The following ARNT2 variants were observed in gnomAD, a reference collection of about 807,000 sequenced individuals.
ARNT2 encodes aryl hydrocarbon receptor nuclear translocator 2, also known as ARNT protein 2.
In ARNT2, 36 loss-of-function variants were observed where a neutral mutation model predicts 91.7. The ratio of observed to expected loss-of-function variants is 0.39; its 90% CI spans 0.30 to 0.52. The LOEUF (loss-of-function observed/expected upper bound fraction) is 0.52, where lower values mean the gene tolerates loss of function less well. Ranked by LOEUF, ARNT2 falls within the 20% of genes least tolerant of loss-of-function variation. The pLI, the probability that ARNT2 is intolerant of heterozygous loss-of-function variation, is 0.72. For synonymous variants in ARNT2, 365 were observed against 347.1 expected (o/e 1.05, Z -0.57); for missense variants, 775 against 939.3 (o/e 0.83, Z 2.29).
chr15:80,476,487 C>G (rs2141398884), intron 5 of ARNT2, among the ~76,000 whole-genome samples: 1 of 152,150 alleles, frequency 6.6e-6, no homozygotes, highest in East Asian at 1.9e-4. Context: ...AAGCATTATA[C>G]CAAAATATTT....
intron 13 of ARNT2, 109 bp downstream of exon 13, chr15:80,574,329 C>T (rs965390321): frequency 5.5e-5 from 58 of 1,048,248 alleles, no homozygotes; most frequent in Non-Finnish European, 7.6e-5. Context: ...ATTGCCCCAT[C>T]CCCCCACTAC....
rs752187496 is a variant in ARNT2, at chr15:80,555,046, G to A, written c.1090-19G>A. The A allele has an allele frequency of 6.2e-7, 1 of 1,609,298 alleles. No individual in the cohort carries two copies. The highest frequency in any genetic ancestry group is 2.2e-5 in the East Asian group (1 of 44,844). ...TACAAATGGATCTGGGATTATTAAA[G>A]CTTGTCTCTTTTATTTAGGATCTTC... is the stretch of plus-strand genomic sequence containing the variant. On this transcript the variant is annotated intron_variant, in intron 10 of 18. Transcript: ENST00000303329.
rs988869574 is a variant in ARNT2, at chr15:80,404,635, G to C, written c.31+89G>C. ...GACCAGGCGCGCCGGGCGCCCCCGG[G>C]GGCGCGGAGCCGCAGCTCGGCGCGG... On this transcript the variant is annotated intron_variant, in intron 1 of 18. Coordinates refer to ENST00000303329, the MANE Select transcript of ARNT2 (RefSeq NM_014862.4). This position sits in a 1 kb window ranked among gnomAD's most constrained non-coding sequence, Gnocchi z 5.5. 40 of 913,220 alleles carry C rather than the reference G, an allele frequency of 4.4e-5. No individual in the cohort carries two copies. Among genetic ancestry groups the C allele is most frequent in the Non-Finnish European group, 4.9e-5 (37 of 759,116 alleles). The allele number at this position is 913,220 out of a possible 1,614,324, so 56.6% of individuals were successfully genotyped here. A position where few individuals can be genotyped will look rare whatever the true frequency, so the allele number is the denominator to read the frequency against.
intron 8 of ARNT2, among the ~76,000 whole-genome samples, chr15:80,525,862 T>C (rs1018110318): frequency 6.6e-6 from 1 of 152,114 alleles, no homozygotes; most frequent in African/African-American, 2.4e-5. Flanking sequence ...TGCTCATGAG[T>C]TCAAGTTCCC....
intron 17 of ARNT2, among the ~76,000 whole-genome samples, chr15:80,583,972 A>AG (rs1227760433): frequency 6.6e-6 from 1 of 152,248 alleles, no homozygotes; most frequent in Non-Finnish European, 1.5e-5. Flanking sequence ...TGAAGGACTG[A>AG]GAAGTTTCTT....
At chr15:80,477,430 C>T (rs10162856) in intron 5 of ARNT2, among the ~76,000 whole-genome samples, 1 of 152,194 alleles carries the variant, frequency 6.6e-6, no homozygotes, top group Admixed American at 6.5e-5. Flanking sequence ...GGCCCCATGT[C>T]CTAATATCAT....
At chr15:80,421,238 C>T (rs1332358163) in intron 1 of ARNT2, among the ~76,000 whole-genome samples, 1 of 152,048 alleles carries the variant, frequency 6.6e-6, no homozygotes, top group Non-Finnish European at 1.5e-5. Context: ...GTATAATGGA[C>T]ATTGGAGACT....
chr15:80,578,988 C>T lies in ARNT2; in HGVS notation c.1614-1423C>T, dbSNP rs549693552. On this transcript the variant is annotated intron_variant, in intron 15 of 18. Coordinates refer to ENST00000303329, the MANE Select transcript of ARNT2 (RefSeq NM_014862.4). ...GCTGGCACCTGAAGTGCATCCTCAC[C>T]CACAGTCCTCCCTCTCTGGTCCCGC... 3.3e-5 allele frequency among the ~76,000 whole-genome samples: 5 copies of T among 152,308 alleles called. No homozygotes were observed. The East Asian group carries it at 5.8e-4, about 18-fold the overall frequency.
intron 3 of ARNT2, among the ~76,000 whole-genome samples, chr15:80,463,870 A>T (rs557217116): frequency 3.9e-5 from 6 of 152,264 alleles, no homozygotes; most frequent in African/African-American, 1.4e-4. Context: ...GTGCCCAGCC[A>T]GTGTGATTTC....
chr15:80,435,883 A>G (rs929842628), intron 1 of ARNT2, among the ~76,000 whole-genome samples: 1 of 29,490 alleles, frequency 3.4e-5, no homozygotes, highest in Admixed American at 4.0e-4. Flanking sequence ...GATATGGGCA[A>G]AAAAAAGGAA....
intron 8 of ARNT2, among the ~76,000 whole-genome samples, chr15:80,517,988 G>C (rs1897467907): frequency 6.6e-6 from 1 of 152,138 alleles, no homozygotes; most frequent in Non-Finnish European, 1.5e-5. Context: ...TTTCACACCT[G>C]AGTCTGGTTC....
intron 5 of ARNT2, among the ~76,000 whole-genome samples, chr15:80,476,888 A>G (rs1896811866): frequency 6.6e-6 from 1 of 152,176 alleles, no homozygotes; most frequent in African/African-American, 2.4e-5. Flanking sequence ...GTTCAATTGT[A>G]ATTCCCAATG....
At chr15:80,451,123 T>C in intron 2 of ARNT2, 129 bp downstream of exon 2, 1 of 909,236 alleles carries the variant, frequency 1.1e-6, no homozygotes, top group South Asian at 1.7e-5. Flanking sequence ...CTGTTTAACT[T>C]TTACAAGATT....
At chr15:80,579,494 C>G (rs1567007241) in intron 15 of ARNT2, among the ~76,000 whole-genome samples, 1 of 152,198 alleles carries the variant, frequency 6.6e-6, no homozygotes. Context: ...CTGCTGATCT[C>G]TGGCTTGCCT....
In ARNT2 at chr15:80,470,355, C is replaced by T; in HGVS notation, c.332C>T (p.Ser111Leu). Residue 111 changes from serine (S) to leucine (L), a missense_variant, in exon 4 of 19, where the codon TCG becomes TTG. Transcript: ENST00000303329. ...DKLTILRMAV[S>L]HMKSMRGTGN... Reference sequence around the variant, plus strand: ...CTCACCATCCTCCGCATGGCCGTCTCGCACATGAAGTCCATGAGGGGTACA... The same window carrying T: ...CTCACCATCCTCCGCATGGCCGTCTTGCACATGAAGTCCATGAGGGGTACA... 3 of 1,614,194 alleles carry T rather than the reference C, an allele frequency of 1.9e-6. No individual in the cohort carries two copies. Among genetic ancestry groups the T allele is most frequent in the Non-Finnish European group, 2.5e-6 (3 of 1,180,038 alleles).
chr15:80,586,339 C>A (rs73494771), intron 17 of ARNT2, among the ~76,000 whole-genome samples: 11,205 of 152,102 alleles, frequency 0.074, 1,255 homozygotes, highest in African/African-American at 0.25. Context: ...TCCCCACATG[C>A]GTCTCAGTTT....
intron 3 of ARNT2, 62 bp downstream of exon 3, chr15:80,458,038 G>T: frequency 6.5e-7 from 1 of 1,537,526 alleles, no homozygotes; most frequent in Non-Finnish European, 9.0e-7. Context: ...ACCTTAGAAA[G>T]ATACAAGAAT....
At chr15:80,511,820 G>C (rs991935559) in intron 6 of ARNT2, among the ~76,000 whole-genome samples, 7 of 152,122 alleles carry the variant, frequency 4.6e-5, no homozygotes, top group Non-Finnish European at 7.4e-5. Context: ...GGGAAGAAGA[G>C]AGGGCAAAGG....
intron 2 of ARNT2, among the ~76,000 whole-genome samples, chr15:80,454,652 C>T (rs1203285181): frequency 6.6e-6 from 1 of 152,230 alleles, no homozygotes; most frequent in African/African-American, 2.4e-5. Flanking sequence ...GCCCTTGACA[C>T]TTCACTTGTT....
Sources: allele counts gnomAD v4.1 joint callset (sites outside exome capture counted in the v4.1 genomes callset), GRCh38; gene constraint gnomAD v4.1.1; non-coding constraint Gnocchi (gnomAD v3.1); transcripts MANE v1.5; gene names NCBI Gene and HGNC (gene_info 2026-07-23, HGNC 2026-07-21).